Variants in RABGAP1L observed in about 807,000 individuals in gnomAD.
The protein encoded by RABGAP1L is RAB GTPase activating protein 1 like.
Under a neutral mutation model 137.7 loss-of-function variants are expected in RABGAP1L, and 63 were observed. That is an observed-to-expected ratio of 0.46 (90% CI 0.37 to 0.56). The LOEUF is 0.56. Ranked by LOEUF, RABGAP1L falls within the 20% of genes least tolerant of loss-of-function variation. The probability of loss-of-function intolerance (pLI) is 0.00; values close to 1 mark genes in which losing one functional copy is unlikely to be tolerated. For synonymous variants in RABGAP1L, 431 were observed against 433.7 expected, an observed-to-expected ratio of 0.99 and a Z score of 0.08; for missense variants, 1,095 against 1,244.0, an observed-to-expected ratio of 0.88 and a Z score of 1.80.
intron 11 of RABGAP1L, among the ~76,000 whole-genome samples, chr1:174,339,222 AT>A (rs1160940830): frequency 6.6e-6 from 1 of 151,628 alleles, no homozygotes; most frequent in Admixed American, 6.6e-5. Flanking sequence ...TTTTTTTTGC[AT>A]TTTGAAACAT....
chr1:174,357,107 T>G (rs538674855), intron 11 of RABGAP1L, among the ~76,000 whole-genome samples: 1 of 152,258 alleles, frequency 6.6e-6, no homozygotes, highest in South Asian at 2.1e-4. Flanking sequence ...TTAGGCATAT[T>G]AAAGGAGACT....
chr1:174,162,164 A>C (rs1664522463), intron 1 of RABGAP1L, among the ~76,000 whole-genome samples: 1 of 151,110 alleles, frequency 6.6e-6, no homozygotes, highest in Non-Finnish European at 1.5e-5. Context: ...GCTGGTAGTT[A>C]TGATTTTTTT....
chr1:174,234,449 T>C (rs1422319436), intron 4 of RABGAP1L, among the ~76,000 whole-genome samples: 2 of 143,814 alleles, frequency 1.4e-5, no homozygotes, highest in Non-Finnish European at 3.0e-5. Context: ...TTGTATAAGG[T>C]GTAAGGAAGG....
At chr1:174,712,624 C>G (rs1680647495) in intron 17 of RABGAP1L, among the ~76,000 whole-genome samples, 1 of 152,228 alleles carries the variant, frequency 6.6e-6, no homozygotes, top group South Asian at 2.1e-4. Context: ...ACCAAGAACC[C>G]ACCAATTCCG....
At chr1:174,272,733 T>A (rs1674665266) in intron 8 of RABGAP1L, among the ~76,000 whole-genome samples, 1 of 152,028 alleles carries the variant, frequency 6.6e-6, no homozygotes, top group Non-Finnish European at 1.5e-5. Context: ...TTTTTTTGGC[T>A]TCTTAGAAAG....
intron 19 of RABGAP1L, among the ~76,000 whole-genome samples, chr1:174,890,656 T>A (rs1355121123): frequency 6.6e-6 from 1 of 152,188 alleles, no homozygotes; most frequent in Non-Finnish European, 1.5e-5. Flanking sequence ...TAGTTTTTTT[T>A]AGAAGTATCC....
chr1:174,812,015 G>A, intron 19 of RABGAP1L, 55 bp downstream of exon 19: 2 of 1,455,852 alleles, frequency 1.4e-6, no homozygotes, highest in Non-Finnish European at 1.8e-6. Flanking sequence ...AGAATAATAT[G>A]ACAAATTATG....
At chr1:174,287,433 GTC>G (rs1165632627) in intron 10 of RABGAP1L, among the ~76,000 whole-genome samples, 2 of 152,130 alleles carry the variant, frequency 1.3e-5, no homozygotes, top group Admixed American at 1.3e-4. Context: ...GCTAAAGTGA[GTC>G]TCTTGTAGGT....
At chr1:174,431,573 AT>A (rs1246254161) in intron 13 of RABGAP1L, among the ~76,000 whole-genome samples, 3 of 152,202 alleles carry the variant, frequency 2.0e-5, no homozygotes, top group African/African-American at 7.2e-5. Context: ...TTGAGAAAAA[AT>A]TCTTATAAGC....
At chr1:174,394,434 A>T (rs1444176847) in intron 13 of RABGAP1L, among the ~76,000 whole-genome samples, 2 of 152,150 alleles carry the variant, frequency 1.3e-5, no homozygotes, top group African/African-American at 2.4e-5. Flanking sequence ...CTAACTTTTC[A>T]ATTAACCTTT....
At chr1:174,925,945 A>C (rs538489547) in intron 19 of RABGAP1L, among the ~76,000 whole-genome samples, 1 of 140,332 alleles carries the variant, frequency 7.1e-6, no homozygotes, top group Admixed American at 7.5e-5. Context: ...GCTGACTGCA[A>C]CCTCTCCTCC....
chr1:174,554,160 G>A (rs1666730892), intron 13 of RABGAP1L, among the ~76,000 whole-genome samples: 1 of 152,130 alleles, frequency 6.6e-6, no homozygotes, highest in African/African-American at 2.4e-5. Context: ...GGTTTTTACA[G>A]TTTCATTTGT....
chr1:174,172,127 C>G (rs1418180590), intron 1 of RABGAP1L, among the ~76,000 whole-genome samples: 40 of 146,526 alleles, frequency 2.7e-4, no homozygotes, highest in Admixed American at 2.7e-3. Flanking sequence ...TATGTTGTTT[C>G]AAATGACAGT....
At position 174,962,825 on chromosome 1, in the gene RABGAP1L, T is replaced by C. The variant is rs555364323; in HGVS notation, c.2433+5276T>C. On this transcript the variant is annotated intron_variant, in intron 20 of 25. Coordinates refer to ENST00000681986, the MANE Select transcript of RABGAP1L (RefSeq NM_001366446.1). The stretch of plus-strand genomic sequence containing the variant: ...TGAAAAATGTTTTTCTGGCTGGGTG[T>C]GGTGGCTCACACCTGTAATCCCAGC... Among the ~76,000 whole-genome samples, 537 of 152,280 alleles carry C rather than the reference T, an allele frequency of 3.5e-3. 3 individuals carry two copies. The highest frequency in any genetic ancestry group is 0.012 in the African/African-American group (514 of 41,570).
At chr1:174,507,579 ACTT>A (rs1661943555) in intron 13 of RABGAP1L, among the ~76,000 whole-genome samples, 2 of 152,118 alleles carry the variant, frequency 1.3e-5, no homozygotes, top group Admixed American at 6.6e-5. Context: ...TCATATAGCA[ACTT>A]CTTTTTACCA....
chr1:174,393,268 G>A lies in RABGAP1L; in HGVS notation c.1560-727G>A, dbSNP rs180749045. Among the ~76,000 whole-genome samples the A allele has an allele frequency of 2.0e-5, 3 of 152,224 alleles. No individual in the cohort carries two copies. In the East Asian group the frequency reaches 5.8e-4, roughly 29 times the overall value. The stretch of plus-strand genomic sequence containing the variant: ...GAGCACTTGCTGTTGTAACAAGTCA[G>A]GGAGACAAATTCAGACATGTAAACA... On this transcript the variant is annotated intron_variant, in intron 12 of 25. Transcript: ENST00000681986.
At chr1:174,813,525 T>C (rs1690087826) in intron 19 of RABGAP1L, among the ~76,000 whole-genome samples, 1 of 152,204 alleles carries the variant, frequency 6.6e-6, no homozygotes, top group Non-Finnish European at 1.5e-5. Flanking sequence ...AATCAAATTA[T>C]AAATGTTAAA....
chr1:174,626,944 G>A (rs1166045292), intron 13 of RABGAP1L, among the ~76,000 whole-genome samples: 1 of 152,136 alleles, frequency 6.6e-6, no homozygotes, highest in Non-Finnish European at 1.5e-5. Flanking sequence ...AGAATAGAAG[G>A]CAAAGTCTGA....
At chr1:174,674,911 C>T (rs1677492519) in intron 14 of RABGAP1L, among the ~76,000 whole-genome samples, 1 of 152,194 alleles carries the variant, frequency 6.6e-6, no homozygotes. Context: ...TGTTCATGTC[C>T]TTCACCCACT....
Sources: allele counts gnomAD v4.1 joint callset (sites outside exome capture counted in the v4.1 genomes callset), GRCh38; gene constraint gnomAD v4.1.1; transcripts MANE v1.5; gene names NCBI Gene and HGNC (gene_info 2026-07-23, HGNC 2026-07-21).